The following GRK5 variants were observed in gnomAD, a reference collection of about 807,000 sequenced individuals.
GRK5 encodes g protein-coupled receptor kinase GRK5.
A neutral mutation model predicts 78.4 loss-of-function variants in GRK5; 40 were observed. The observed-to-expected ratio is 0.51, with a 90% CI of 0.40 to 0.66. The LOEUF is 0.66. Among genes scored for constraint, GRK5 ranks in the 30% least tolerant of loss-of-function variants. The probability of loss-of-function intolerance (pLI) is 0.00; values close to 1 mark genes in which losing one functional copy is unlikely to be tolerated. For missense variants in GRK5, 598 were observed against 759.9 expected (o/e 0.79, Z 2.50); for synonymous variants, 289 against 296.8 (o/e 0.97, Z 0.27).
intron 1 of GRK5, among the ~76,000 whole-genome samples, chr10:119,290,776 G>T (rs1038452342): frequency 6.6e-6 from 1 of 152,038 alleles, no homozygotes; most frequent in African/African-American, 2.4e-5. Flanking sequence ...TTCTGTGTGT[G>T]TGTAGCCTTC....
At chr10:119,305,997 G>C (rs1850266889) in intron 1 of GRK5, among the ~76,000 whole-genome samples, 1 of 152,154 alleles carries the variant, frequency 6.6e-6, no homozygotes, top group South Asian at 2.1e-4. Flanking sequence ...CCACCCCTGA[G>C]ACCATGGAAA....
chr10:119,384,753 G>A (rs1185156209), intron 3 of GRK5, among the ~76,000 whole-genome samples: 5 of 152,220 alleles, frequency 3.3e-5, no homozygotes, highest in African/African-American at 9.6e-5. Context: ...AAGAGCATGT[G>A]AGGGGCAGAG....
intron 1 of GRK5, among the ~76,000 whole-genome samples, chr10:119,288,482 C>G (rs1849896046): frequency 1.3e-5 from 2 of 152,188 alleles, no homozygotes; most frequent in African/African-American, 4.8e-5. Flanking sequence ...TTCCCCAAAG[C>G]TTTATTGTGG....
intron 2 of GRK5, chr10:119,335,129 C>CCTCCCTCTCTCT (rs1850852517): frequency 1.0e-4 from 1 of 9,872 alleles, no homozygotes; most frequent in Non-Finnish European, 1.8e-4. Context: ...GCCTGCCTTG[C>CCTCCCTCTCTCT]CTCTCTCTCT....
intron 6 of GRK5, among the ~76,000 whole-genome samples, chr10:119,429,269 C>T (rs563425876): frequency 6.6e-6 from 1 of 152,210 alleles, no homozygotes; most frequent in East Asian, 1.9e-4. Flanking sequence ...TGTGGTGCCA[C>T]AGATGTGATT....
intron 4 of GRK5, among the ~76,000 whole-genome samples, chr10:119,405,851 G>A (rs1464770955): frequency 6.6e-6 from 1 of 152,156 alleles, no homozygotes; most frequent in African/African-American, 2.4e-5. Context: ...CCTATACAAC[G>A]ATTTTCTTTA....
At chr10:119,348,013 G>A (rs1013136456) in intron 2 of GRK5, among the ~76,000 whole-genome samples, 1 of 152,202 alleles carries the variant, frequency 6.6e-6, no homozygotes, top group Non-Finnish European at 1.5e-5. Context: ...TCTCTCATCC[G>A]CCATTGTTGT....
intron 1 of GRK5, among the ~76,000 whole-genome samples, chr10:119,235,126 C>T (rs535208784): frequency 5.9e-4 from 90 of 151,966 alleles, no homozygotes; most frequent in African/African-American, 2.1e-3. Context: ...GAGGTGCACA[C>T]CACCAGGACT....
At chr10:119,454,918 C>CA in intron 15 of GRK5, 51 bp from the exon 16 acceptor site, 1 of 1,260,618 alleles carries the variant, frequency 7.9e-7, no homozygotes. Context: ...CCAGGGCTCC[C>CA]AGGACTGACT....
chr10:119,392,645 C>T (rs559157099), intron 3 of GRK5, among the ~76,000 whole-genome samples: 1 of 152,244 alleles, frequency 6.6e-6, no homozygotes, highest in South Asian at 2.1e-4. Context: ...GTCAGGTGAT[C>T]CGCCCGCCTC....
At chr10:119,334,422 T>C (rs556566798) in intron 2 of GRK5, 4 of 153,324 alleles carry the variant, frequency 2.6e-5, no homozygotes, top group South Asian at 4.1e-4. Flanking sequence ...AGACAGACCA[T>C]GAGAGGAAGA....
chr10:119,317,609 G>A (rs927120725), intron 1 of GRK5, among the ~76,000 whole-genome samples: 2 of 152,088 alleles, frequency 1.3e-5, no homozygotes, highest in Non-Finnish European at 2.9e-5. Flanking sequence ...CCCTATTAAT[G>A]GCTTTAAGCC....
rs574562453 is a variant in GRK5, at chr10:119,412,339, C to G, written c.340-10827C>G. ...TGCCTGGCACGGTGCCCGGGCCGTGCAGTCCATCGCCTGGGCTGACCACGA... is the reference window on the plus strand; with the variant it reads ...TGCCTGGCACGGTGCCCGGGCCGTGGAGTCCATCGCCTGGGCTGACCACGA... On this transcript the variant is annotated intron_variant, in intron 4 of 15. Transcript: ENST00000392870. The surrounding 1 kb of genome is among the most constrained non-coding windows in gnomAD (Gnocchi z 4.3). 5.3e-5 allele frequency among the ~76,000 whole-genome samples: 8 copies of G among 152,310 alleles called. No homozygotes were observed. Among genetic ancestry groups the G allele is most frequent in the Admixed American group, 3.3e-4 (5 of 15,304 alleles).
intron 3 of GRK5, among the ~76,000 whole-genome samples, chr10:119,393,906 G>A (rs1851928332): frequency 6.6e-6 from 1 of 151,698 alleles, no homozygotes; most frequent in African/African-American, 2.4e-5. Flanking sequence ...GTGTAGGGGT[G>A]CGGGTGTGTT....
chr10:119,445,762 G>C lies in GRK5; in HGVS notation c.1266+2010G>C, dbSNP rs973232233. 6.6e-6 allele frequency among the ~76,000 whole-genome samples: 1 copy of C among 152,098 alleles called. No homozygotes were observed. Among genetic ancestry groups the C allele is most frequent in the African/African-American group, 2.4e-5 (1 of 41,404 alleles). ...GGACACTGCAGAGCCTGACTTGCCAGGAGACCTCGCAGGTCCTGGGTTCAC... is the reference window on the plus strand; with the variant it reads ...GGACACTGCAGAGCCTGACTTGCCACGAGACCTCGCAGGTCCTGGGTTCAC... On this transcript the variant is annotated intron_variant, in intron 12 of 15. Coordinates refer to ENST00000392870, the MANE Select transcript of GRK5 (RefSeq NM_005308.3). The surrounding 1 kb of genome is among the most constrained non-coding windows in gnomAD (Gnocchi z 4.1).
At chr10:119,294,503 C>G (rs1369361416) in intron 1 of GRK5, among the ~76,000 whole-genome samples, 1 of 152,154 alleles carries the variant, frequency 6.6e-6, no homozygotes, top group Non-Finnish European at 1.5e-5. Context: ...GCTTTTCTCT[C>G]CAAATGCTCT....
At chr10:119,232,437 C>T (rs1378590351) in intron 1 of GRK5, among the ~76,000 whole-genome samples, 2 of 152,268 alleles carry the variant, frequency 1.3e-5, no homozygotes, top group South Asian at 2.1e-4. Flanking sequence ...CTGTAGTTAA[C>T]ACTAATATGT....
At chr10:119,275,516 C>G (rs11597415) in intron 1 of GRK5, among the ~76,000 whole-genome samples, 37,007 of 151,662 alleles carry the variant, frequency 0.24, 5,000 homozygotes, top group Admixed American at 0.3. Flanking sequence ...CCTTTATTTC[C>G]TATGATAAAT....
intron 1 of GRK5, among the ~76,000 whole-genome samples, chr10:119,308,624 C>A (rs80304688): frequency 3.3e-5 from 5 of 152,334 alleles, no homozygotes; most frequent in East Asian, 3.9e-4. Context: ...CCGGTCAGCC[C>A]GCGTCTTCGT....
Sources: allele counts gnomAD v4.1 joint callset (sites outside exome capture counted in the v4.1 genomes callset), GRCh38; gene constraint gnomAD v4.1.1; non-coding constraint Gnocchi (gnomAD v3.1); transcripts MANE v1.5; gene names NCBI Gene and HGNC (gene_info 2026-07-23, HGNC 2026-07-21).